The following AMZ2 variants were observed in gnomAD, a reference collection of about 807,000 sequenced individuals.
AMZ2 encodes archaelysin family metallopeptidase 2, also known as archaemetzincin-2.
A neutral mutation model predicts 36.7 loss-of-function variants in AMZ2; 26 were observed. That is an observed-to-expected ratio of 0.71 (90% CI 0.52 to 0.98). AMZ2 has a LOEUF of 0.98. Ranked by LOEUF, AMZ2 falls within the 50% of genes least tolerant of loss-of-function variation. AMZ2 has a pLI of 0.00. For synonymous variants in AMZ2, 144 were observed against 149.1 expected (o/e 0.97, Z 0.25); for missense variants, 394 against 430.5 (o/e 0.92, Z 0.75).
intron 1 of AMZ2, among the ~76,000 whole-genome samples, chr17:68,234,435 A>C (rs1324829910): frequency 2.0e-5 from 3 of 151,834 alleles, no homozygotes; most frequent in Admixed American, 2.0e-4. Flanking sequence ...GTCTCAAAAA[A>C]AAAAAAATCA....
chr17:68,255,599 G>T, intron 5 of AMZ2, 101 bp from the exon 6 acceptor site: 1 of 1,254,446 alleles, frequency 8.0e-7, no homozygotes, highest in South Asian at 1.4e-5. Context: ...GTAATGGTAA[G>T]GGAGTTGATT....
At chr17:68,215,988 G>A (rs1243625038) in intron 1 of AMZ2, among the ~76,000 whole-genome samples, 1 of 152,168 alleles carries the variant, frequency 6.6e-6, no homozygotes. Context: ...AAAAGAAGTA[G>A]TTGTGATAAG....
rs530939344 is a variant in AMZ2, at chr17:68,237,730, A to G, written c.-66-10910A>G. ...GGGAAAAAAGCCTTGAGGGGTCCCT[A>G]AGGGCAAGAAGGCCTTTCCTGGCTC... On this transcript the variant is annotated intron_variant, in intron 1 of 7. Transcript: ENST00000674770. 2.0e-5 allele frequency among the ~76,000 whole-genome samples: 3 copies of G among 152,258 alleles called. No individual in the cohort carries two copies. In the South Asian group the frequency reaches 6.2e-4, roughly 32 times the overall value.
Position 68,250,917 on chromosome 17 carries a change from G to C in AMZ2, c.407G>C (p.Arg136Thr). The stretch of plus-strand genomic sequence containing the variant: ...GAACCAGTTCCTGTTTCTGTAACAA[G>C]ATGTTCCTTTAGAGTCAATGAGAAC... ...LLEPVPVSVT[R>T]CSFRVNENTH... is the part of the protein sequence containing the mutation. Residue 136 changes from arginine (R) to threonine (T), a missense_variant, in exon 3 of 7, where the codon AGA (arginine) becomes ACA (threonine). Arg to Thr is a moderately conservative substitution (Grantham distance 71). Coordinates refer to ENST00000359904, the MANE Select transcript of AMZ2 (RefSeq NM_016627.5). The C allele has an allele frequency of 1.2e-6, 2 of 1,610,226 alleles. No homozygotes were observed. Among genetic ancestry groups the C allele is most frequent in the Non-Finnish European group, 1.7e-6 (2 of 1,179,208 alleles).
chr17:68,224,766 A>C (rs1429753343), intron 1 of AMZ2, among the ~76,000 whole-genome samples: 8 of 151,816 alleles, frequency 5.3e-5, no homozygotes, highest in African/African-American at 1.7e-4. Context: ...AGGGGCAGCT[A>C]TTTTTATTTT....
intron 1 of AMZ2, among the ~76,000 whole-genome samples, chr17:68,236,532 C>T (rs1269074299): frequency 1.3e-5 from 2 of 150,138 alleles, no homozygotes; most frequent in African/African-American, 4.9e-5. Flanking sequence ...ACAAAAAGCC[C>T]TCCTTCTAAC....
chr17:68,227,336 A>G (rs2073541455), intron 1 of AMZ2, among the ~76,000 whole-genome samples: 2 of 152,182 alleles, frequency 1.3e-5, no homozygotes, highest in Admixed American at 1.3e-4. Context: ...AAAGCAGTTA[A>G]CCAGGAGCCT....
chr17:68,250,518 T>C (rs2074373566), intron 2 of AMZ2, 48 bp downstream of exon 2: 15 of 1,589,270 alleles, frequency 9.4e-6, no homozygotes, highest in Non-Finnish European at 1.1e-5. Flanking sequence ...GCAGTGGCGC[T>C]CTTGTCAGGA....
chr17:68,246,886 G>A (rs2074037436), upstream of AMZ2: 1 of 152,274 alleles, frequency 6.6e-6, no homozygotes, highest in African/African-American at 2.4e-5. Context: ...CGAAAATCCA[G>A]AGGATGGTAA....
intron 1 of AMZ2, among the ~76,000 whole-genome samples, chr17:68,209,179 G>C (rs2072937476): frequency 6.7e-6 from 1 of 150,374 alleles, no homozygotes; most frequent in South Asian, 2.1e-4. Flanking sequence ...GTAAATTTTT[G>C]CCAACTTAAT....
chr17:68,221,126 A>G (rs1351725966), intron 1 of AMZ2, among the ~76,000 whole-genome samples: 8 of 147,640 alleles, frequency 5.4e-5, no homozygotes, highest in Admixed American at 4.8e-4. Context: ...TCTGTCACCC[A>G]GGGTGGAGTG....
chr17:68,232,118 T>C (rs1192662343), intron 1 of AMZ2, among the ~76,000 whole-genome samples: 2 of 99,894 alleles, frequency 2.0e-5, no homozygotes, highest in African/African-American at 3.8e-5. Flanking sequence ...AACTGAAGTT[T>C]GTAAAAAAAA....
chr17:68,217,143 A>G (rs1300751020), intron 1 of AMZ2, among the ~76,000 whole-genome samples: 1 of 152,230 alleles, frequency 6.6e-6, no homozygotes, highest in Non-Finnish European at 1.5e-5. Flanking sequence ...CAGTATCAAT[A>G]TATGAAACAG....
At chr17:68,212,794 C>T (rs1555726382) in intron 1 of AMZ2, among the ~76,000 whole-genome samples, 6 of 152,132 alleles carry the variant, frequency 3.9e-5, no homozygotes, top group Admixed American at 6.5e-5. Flanking sequence ...GCCTAAACTC[C>T]TGGGTTCAAG....
At chr17:68,248,993 T>C in intron 1 of AMZ2, 1 of 983,174 alleles carries the variant, frequency 1.0e-6, no homozygotes, top group Non-Finnish European at 1.3e-6. Flanking sequence ...TGTTCAACTT[T>C]TTCCTTAATT....
At chr17:68,210,170 A>ATATAGTATAT (rs1555725574) in intron 1 of AMZ2, among the ~76,000 whole-genome samples, 5 of 152,250 alleles carry the variant, frequency 3.3e-5, no homozygotes, top group Non-Finnish European at 5.9e-5. Flanking sequence ...ATGACCCGGT[A>ATATAGTATAT]ATTCTATTCA....
At chr17:68,257,162 C>T (rs550857794), downstream of AMZ2, 470 of 521,346 alleles carry the variant, frequency 9.0e-4, 1 homozygote, top group Admixed American at 1.2e-3. Flanking sequence ...TCTTTATCTT[C>T]TCATCTTACT....
At chr17:68,230,312 G>T (rs1372329069) in intron 1 of AMZ2, among the ~76,000 whole-genome samples, 1 of 152,186 alleles carries the variant, frequency 6.6e-6, no homozygotes, top group Non-Finnish European at 1.5e-5. Context: ...GACCCCAGGT[G>T]ATCCACTCGC....
intron 5 of AMZ2, among the ~76,000 whole-genome samples, chr17:68,255,377 A>AG (rs1469833334): frequency 1.3e-5 from 2 of 152,128 alleles, no homozygotes; most frequent in African/African-American, 4.8e-5. Flanking sequence ...ACAATCAGGG[A>AG]GGGAGTTCTG....
Sources: allele counts gnomAD v4.1 joint callset (sites outside exome capture counted in the v4.1 genomes callset), GRCh38; gene constraint gnomAD v4.1.1; transcripts MANE v1.5; gene names NCBI Gene and HGNC (gene_info 2026-07-23, HGNC 2026-07-21).